The following LDLRAD3 variants were observed in gnomAD, a reference collection of about 807,000 sequenced individuals.
LDLRAD3 encodes the protein low-density lipoprotein receptor class A domain-containing protein 3.
Under a neutral mutation model 29.4 loss-of-function variants are expected in LDLRAD3, and 20 were observed. That is an observed-to-expected ratio of 0.68 (90% CI 0.48 to 0.99). LDLRAD3 has a LOEUF of 0.99. Ranked by LOEUF, LDLRAD3 falls within the 50% of genes least tolerant of loss-of-function variation. The probability of loss-of-function intolerance (pLI) is 0.00; values close to 1 mark genes in which losing one functional copy is unlikely to be tolerated. For missense variants in LDLRAD3, 420 were observed against 454.3 expected, an observed-to-expected ratio of 0.92 and a Z score of 0.69; for synonymous variants, 157 against 192.7, an observed-to-expected ratio of 0.81 and a Z score of 1.53.
chr11:36,227,529 T>A, intron 5 of LDLRAD3, 99 bp downstream of exon 5: 2 of 892,624 alleles, frequency 2.2e-6, no homozygotes, highest in Non-Finnish European at 3.3e-6. Flanking sequence ...GCCAAGAGCC[T>A]GGCTTCAGCT....
At chr11:36,203,651 G>T (rs872534) in intron 4 of LDLRAD3, among the ~76,000 whole-genome samples, 1 of 152,158 alleles carries the variant, frequency 6.6e-6, no homozygotes, top group Non-Finnish European at 1.5e-5. Context: ...TTGGATACTT[G>T]CAAAGAACTT....
chr11:36,132,173 G>A lies in LDLRAD3; in HGVS notation c.454+33712G>A, dbSNP rs545305098. 3.4e-3 allele frequency among the ~76,000 whole-genome samples: 517 copies of A among 152,096 alleles called. 3 individuals are homozygous for A. Among genetic ancestry groups the A allele is most frequent in the African/African-American group, 0.012 (486 of 41,468 alleles). On this transcript the variant is annotated intron_variant, in intron 4 of 5. Coordinates refer to ENST00000315571, the MANE Select transcript of LDLRAD3 (RefSeq NM_174902.4). ...GACAGGGTGAGATTAATATGAACAC[G>A]ATATTAAGCTATTAAGCATCAGTTT...
intron 1 of LDLRAD3, among the ~76,000 whole-genome samples, chr11:35,983,458 T>C (rs1217079891): frequency 2.0e-5 from 3 of 152,066 alleles, no homozygotes; most frequent in African/African-American, 2.4e-5. Context: ...TGAGGCTAGA[T>C]TGAAGGTTTG....
At chr11:36,000,514 T>A (rs1444120527) in intron 1 of LDLRAD3, among the ~76,000 whole-genome samples, 2 of 152,146 alleles carry the variant, frequency 1.3e-5, no homozygotes, top group Non-Finnish European at 2.9e-5. Context: ...TAGGAAATGA[T>A]GGCAGAATAC....
rs1428933088 is a variant in LDLRAD3 at position 36,213,154 on chromosome 11, C to T, written c.455-13931C>T. On this transcript the variant is annotated intron_variant, in intron 4 of 5. Transcript: ENST00000315571. This position sits in a 1 kb window ranked among gnomAD's most constrained non-coding sequence, Gnocchi z 4.1. ...TCCCTCTCATTTTGAATTTAATCCT[C>T]GGGCACTTGTCTCCCAGCTCTCAAT... is the stretch of plus-strand genomic sequence containing the variant. Among the ~76,000 whole-genome samples the T allele has an allele frequency of 6.6e-6, 1 of 150,426 alleles. No individual in the cohort carries two copies. Among genetic ancestry groups the T allele is most frequent in the Non-Finnish European group, 1.5e-5 (1 of 67,726 alleles).
chr11:36,089,213 G>A (rs1235836742), intron 3 of LDLRAD3, among the ~76,000 whole-genome samples: 2 of 152,150 alleles, frequency 1.3e-5, no homozygotes, highest in Non-Finnish European at 2.9e-5. Flanking sequence ...CTTACCTTGT[G>A]TATGGCCTGT....
At chr11:36,095,181 T>G (rs1296364805) in intron 3 of LDLRAD3, among the ~76,000 whole-genome samples, 1 of 152,184 alleles carries the variant, frequency 6.6e-6, no homozygotes, top group Non-Finnish European at 1.5e-5. Context: ...CCCTGTTTCT[T>G]AAAAAGGAAG....
intron 4 of LDLRAD3, among the ~76,000 whole-genome samples, chr11:36,207,414 A>G (rs1458411401): frequency 1.3e-5 from 2 of 152,218 alleles, no homozygotes; most frequent in African/African-American, 4.8e-5. Flanking sequence ...TTTCCCACCT[A>G]TAAACCCAAC....
At chr11:36,139,745 T>C (rs1240413382) in intron 4 of LDLRAD3, among the ~76,000 whole-genome samples, 1 of 152,180 alleles carries the variant, frequency 6.6e-6, no homozygotes, top group Non-Finnish European at 1.5e-5. Flanking sequence ...GTCTGTGGCC[T>C]GTGTTTAAAT....
chr11:36,221,707 T>C (rs1214254907), intron 4 of LDLRAD3, among the ~76,000 whole-genome samples: 1 of 152,206 alleles, frequency 6.6e-6, no homozygotes, highest in Non-Finnish European at 1.5e-5. Context: ...ACAGAGTGCT[T>C]ATTTTTTTAA....
intron 1 of LDLRAD3, chr11:35,967,206 A>G: frequency 4.9e-6 from 1 of 203,082 alleles, no homozygotes; most frequent in South Asian, 9.6e-5. Context: ...GACTTTTCCA[A>G]ATTCAGCTGC....
intron 1 of LDLRAD3, among the ~76,000 whole-genome samples, chr11:36,007,227 T>C (rs922789330): frequency 6.6e-6 from 1 of 152,248 alleles, no homozygotes; most frequent in Non-Finnish European, 1.5e-5. Flanking sequence ...ATGCACTTTC[T>C]ACTAGTGAGA....
intron 1 of LDLRAD3, among the ~76,000 whole-genome samples, chr11:36,029,999 T>C (rs1352750269): frequency 6.6e-6 from 1 of 152,194 alleles, no homozygotes; most frequent in East Asian, 1.9e-4. Flanking sequence ...GGTCCTGGGC[T>C]GAACCCAGGG....
At chr11:36,156,664 A>G (rs528974441) in intron 4 of LDLRAD3, among the ~76,000 whole-genome samples, 1 of 152,220 alleles carries the variant, frequency 6.6e-6, no homozygotes, top group Non-Finnish European at 1.5e-5. Flanking sequence ...ATTATTTGGC[A>G]ACAATAACTT....
chr11:36,141,740 C>T (rs2133315897), intron 4 of LDLRAD3, among the ~76,000 whole-genome samples: 1 of 152,192 alleles, frequency 6.6e-6, no homozygotes, highest in South Asian at 2.1e-4. Flanking sequence ...GCCAGGTGCC[C>T]CCGGCCCGAG....
intron 4 of LDLRAD3, among the ~76,000 whole-genome samples, chr11:36,176,683 C>T (rs34246740): frequency 0.23 from 34,764 of 152,052 alleles, 4,072 homozygotes; most frequent in East Asian, 0.32. Flanking sequence ...AGAAATCCGC[C>T]GTTAATCTGA....
intron 4 of LDLRAD3, among the ~76,000 whole-genome samples, chr11:36,225,471 G>A (rs1339020768): frequency 6.6e-6 from 1 of 152,160 alleles, no homozygotes. Flanking sequence ...TGTGTGGAGA[G>A]AAGGCTATTA....
At chr11:36,039,993 G>A (rs262447) in intron 2 of LDLRAD3, among the ~76,000 whole-genome samples, 64,151 of 151,976 alleles carry the variant, frequency 0.42, 16,179 homozygotes, top group Admixed American at 0.57. Context: ...CCGCCTTCCC[G>A]GAGGGAGGGA....
intron 1 of LDLRAD3, among the ~76,000 whole-genome samples, chr11:36,023,733 G>A (rs576659590): frequency 2.0e-5 from 3 of 152,244 alleles, no homozygotes; most frequent in South Asian, 2.1e-4. Flanking sequence ...GTCTGTTACT[G>A]CCTTACTTTA....
Sources: allele counts gnomAD v4.1 joint callset (sites outside exome capture counted in the v4.1 genomes callset), GRCh38; gene constraint gnomAD v4.1.1; non-coding constraint Gnocchi (gnomAD v3.1); transcripts MANE v1.5; gene names NCBI Gene and HGNC (gene_info 2026-07-23, HGNC 2026-07-21).